DAB2IP: variants seen among roughly 807,000 people sequenced by gnomAD.
DAB2IP encodes DAB2 interacting protein.
A neutral mutation model predicts 107.2 loss-of-function variants in DAB2IP; 28 were observed. That is an observed-to-expected ratio of 0.26 (90% CI 0.19 to 0.36). DAB2IP has a LOEUF of 0.36. Among genes scored for constraint, DAB2IP ranks in the 10% least tolerant of loss-of-function variants. DAB2IP has a pLI of 1.00. For synonymous variants in DAB2IP, 755 were observed against 706.4 expected, an observed-to-expected ratio of 1.07 and a Z score of -1.09; for missense variants, 1,400 against 1,644.7, an observed-to-expected ratio of 0.85 and a Z score of 2.57.
chr9:121,638,625 G>A (rs1589437272), intron 1 of DAB2IP, among the ~76,000 whole-genome samples: 1 of 152,208 alleles, frequency 6.6e-6, no homozygotes, highest in East Asian at 1.9e-4. Flanking sequence ...CAGAAAGAGT[G>A]GCCAAAGGCC....
chr9:121,753,467 A>G (rs573492940), intron 3 of DAB2IP, among the ~76,000 whole-genome samples: 1 of 152,122 alleles, frequency 6.6e-6, no homozygotes, highest in African/African-American at 2.4e-5. Context: ...GAGGGACTTG[A>G]CCCAGGGCTG....
intron 9 of DAB2IP, 23 bp from the exon 10 acceptor site, chr9:121,768,409 T>C: frequency 6.2e-7 from 1 of 1,613,468 alleles, no homozygotes; most frequent in Non-Finnish European, 8.5e-7. Flanking sequence ...CCAGTAGTGC[T>C]CACCCAACTG....
intron 1 of DAB2IP, among the ~76,000 whole-genome samples, chr9:121,588,099 CTACGGTGAT>C (rs942664803): frequency 6.6e-6 from 1 of 152,210 alleles, no homozygotes; most frequent in African/African-American, 2.4e-5. Context: ...TTATCATGCA[CTACGGTGAT>C]TACTTTCTTA....
rs2118741279 is a variant in DAB2IP, at chr9:121,701,680, G to C, written c.362+2222G>C. 6.6e-6 allele frequency among the ~76,000 whole-genome samples: 1 copy of C among 152,276 alleles called. No homozygotes were observed. The highest frequency in any genetic ancestry group is 2.1e-4 in the South Asian group (1 of 4,824). ...CAGATTCGTCGGCTGCTGCTGGGAT[G>C]GATGGGCAGAAATTTCTCTGGGGCT... On this transcript the variant is annotated intron_variant, in intron 3 of 15. Transcript: ENST00000408936. This position sits in a 1 kb window ranked among gnomAD's most constrained non-coding sequence, Gnocchi z 4.7.
At chr9:121,693,975 C>T (rs978873840) in intron 2 of DAB2IP, among the ~76,000 whole-genome samples, 6 of 152,178 alleles carry the variant, frequency 3.9e-5, no homozygotes, top group Non-Finnish European at 7.4e-5. Context: ...GCTGCCTCCT[C>T]GGCTGGGAGT....
At chr9:121,733,780 C>T (rs1831690088) in intron 3 of DAB2IP, among the ~76,000 whole-genome samples, 1 of 152,112 alleles carries the variant, frequency 6.6e-6, no homozygotes, top group Non-Finnish European at 1.5e-5. Context: ...GAAATGGGGG[C>T]AGGAGGGGAG....
chr9:121,626,265 A>G (rs1318969627), intron 1 of DAB2IP, among the ~76,000 whole-genome samples: 1 of 151,874 alleles, frequency 6.6e-6, no homozygotes, highest in Non-Finnish European at 1.5e-5. Context: ...CTGCAGAGAT[A>G]TATTCAGGAC....
At chr9:121,752,668 TG>T (rs1479510870) in intron 3 of DAB2IP, among the ~76,000 whole-genome samples, 1 of 151,972 alleles carries the variant, frequency 6.6e-6, no homozygotes, top group Non-Finnish European at 1.5e-5. Context: ...GCTGCGAGAG[TG>T]GGCCTGGTCA....
At chr9:121,774,459 G>A (rs772782912) in intron 13 of DAB2IP, 47 bp downstream of exon 13, 28 of 1,527,200 alleles carry the variant, frequency 1.8e-5, no homozygotes, top group Middle Eastern at 1.8e-4. Context: ...GCTGCCTCCC[G>A]GCAGCAGCTG....
intron 1 of DAB2IP, among the ~76,000 whole-genome samples, chr9:121,655,657 G>A (rs972117374): frequency 3.3e-5 from 5 of 152,154 alleles, no homozygotes; most frequent in Non-Finnish European, 7.4e-5. Context: ...ACATCATAGG[G>A]CCTCAGTTTC....
intron 1 of DAB2IP, among the ~76,000 whole-genome samples, chr9:121,644,418 G>A (rs1333253937): frequency 2.6e-5 from 4 of 152,040 alleles, no homozygotes; most frequent in Non-Finnish European, 2.9e-5. Context: ...CCAACATGGC[G>A]AAACCCCGTC....
chr9:121,635,029 T>C lies in DAB2IP; in HGVS notation c.41-43649T>C, dbSNP rs187093869. On this transcript the variant is annotated intron_variant, in intron 1 of 16. Transcript: ENST00000259371. The surrounding 1 kb of genome is among the most constrained non-coding windows in gnomAD (Gnocchi z 4.3). The stretch of plus-strand genomic sequence containing the variant: ...AGACCTGTGTATATGTGTGTGTGTG[T>C]GCGCGTGCGTGTGTATGTGTGTGTG... 6.6e-5 allele frequency among the ~76,000 whole-genome samples: 10 copies of C among 152,246 alleles called. No homozygotes were observed. Among genetic ancestry groups the C allele is most frequent in the African/African-American group, 1.2e-4 (5 of 41,550 alleles).
At chr9:121,672,069 A>T (rs943781871) in intron 1 of DAB2IP, among the ~76,000 whole-genome samples, 1 of 152,204 alleles carries the variant, frequency 6.6e-6, no homozygotes, top group African/African-American at 2.4e-5. Flanking sequence ...CTCTGCCAAC[A>T]TTTGGAGTCG....
chr9:121,727,586 C>G (rs567296570), intron 3 of DAB2IP, among the ~76,000 whole-genome samples: 1 of 152,076 alleles, frequency 6.6e-6, no homozygotes, highest in Non-Finnish European at 1.5e-5. Context: ...GCCTGTTTGG[C>G]GGAGCAAGAA....
chr9:121,655,015 G>T (rs1411223144), intron 1 of DAB2IP, among the ~76,000 whole-genome samples: 1 of 152,182 alleles, frequency 6.6e-6, no homozygotes, highest in Non-Finnish European at 1.5e-5. Context: ...GACAGTATCT[G>T]CAGTCTCCCT....
intron 1 of DAB2IP, among the ~76,000 whole-genome samples, chr9:121,621,072 G>A (rs1026342890): frequency 9.2e-5 from 14 of 152,156 alleles, no homozygotes; most frequent in African/African-American, 3.1e-4. Flanking sequence ...CCACACCCAG[G>A]TGTTTCCTTC....
In DAB2IP at chr9:121,567,194, G is replaced by T. The variant is rs778480636; in HGVS notation, c.6G>T (p.Glu2Asp). The change falls in exon 1 of 17, where the codon GAG becomes GAT. Residue 2 changes from glutamate to aspartate, a missense_variant. Physicochemically the swap from Glu to Asp is conservative, Grantham distance 45 (BLOSUM62 2). Transcript: ENST00000259371. ...GGGCTGGGGGCCCACACGCCATGGA[G>T]CCCGACTCCCTTCTGGACCAAGACG... 3 of 1,614,068 alleles carry T rather than the reference G, an allele frequency of 1.9e-6. No homozygotes were observed. In the South Asian group the frequency reaches 3.3e-5, roughly 18 times the overall value.
chr9:121,757,280 T>G (rs1589652366), intron 4 of DAB2IP, 114 bp downstream of exon 4: 1 of 1,382,416 alleles, frequency 7.2e-7, no homozygotes, highest in Non-Finnish European at 9.6e-7. Context: ...GGGGCCAGGG[T>G]CTTGGGGACA....
At chr9:121,652,731 A>G (rs1338580876) in intron 1 of DAB2IP, among the ~76,000 whole-genome samples, 1 of 152,098 alleles carries the variant, frequency 6.6e-6, no homozygotes, top group Non-Finnish European at 1.5e-5. Flanking sequence ...TGAAAGTGGG[A>G]AGCCGGGCCC....
Sources: gnomAD v4.1 joint callset for allele counts (sites outside exome capture counted in the v4.1 genomes callset) on GRCh38, gnomAD v4.1.1 for gene constraint, Gnocchi (gnomAD v3.1) non-coding constraint, MANE v1.5 for transcripts, NCBI Gene and HGNC (gene_info 2026-07-23, HGNC 2026-07-21) for gene names.